HEXB: variants seen among roughly 807,000 people sequenced by gnomAD.
The protein encoded by HEXB is beta-hexosaminidase subunit beta.
Under a neutral mutation model 71.2 loss-of-function variants are expected in HEXB, and 51 were observed. That is an observed-to-expected ratio of 0.72 (90% CI 0.57 to 0.90). The LOEUF (loss-of-function observed/expected upper bound fraction) is 0.90. Ranked by LOEUF, HEXB falls within the 40% of genes least tolerant of loss-of-function variation. The probability of loss-of-function intolerance (pLI) is 0.00; values close to 1 mark genes in which losing one functional copy is unlikely to be tolerated. For synonymous variants in HEXB, 266 were observed against 249.3 expected (o/e 1.07, Z -0.63); for missense variants, 617 against 677.0 (o/e 0.91, Z 0.98).
chr5:74,719,079 C>A, intron 11 of HEXB, 108 bp downstream of exon 11: 1 of 1,003,322 alleles, frequency 1.0e-6, no homozygotes, highest in Non-Finnish European at 1.6e-6. Flanking sequence ...AACCTCCCAC[C>A]CCAGAAGTCT....
At chr5:74,666,616 C>G (rs1038031015) in intron 1 of HEXB, among the ~76,000 whole-genome samples, 1 of 152,214 alleles carries the variant, frequency 6.6e-6, no homozygotes, top group Non-Finnish European at 1.5e-5. Flanking sequence ...AGAGGCCCTG[C>G]CCACACTGCA....
intron 1 of HEXB, among the ~76,000 whole-genome samples, chr5:74,646,580 T>C (rs1748005186): frequency 6.6e-6 from 1 of 151,818 alleles, no homozygotes; most frequent in Non-Finnish European, 1.5e-5. Context: ...TTTTTTTTTT[T>C]TTTTTGAGAC....
At chr5:74,717,687 C>T (rs1161452480) in intron 9 of HEXB, among the ~76,000 whole-genome samples, 1 of 151,742 alleles carries the variant, frequency 6.6e-6, no homozygotes, top group Non-Finnish European at 1.5e-5. Context: ...AAATGCTTTA[C>T]AAATATAAAA....
At chr5:74,716,202 G>A (rs1749669937) in intron 8 of HEXB, among the ~76,000 whole-genome samples, 1 of 151,962 alleles carries the variant, frequency 6.6e-6, no homozygotes, top group Non-Finnish European at 1.5e-5. Flanking sequence ...GCAAAGTAAA[G>A]CTTGAGGAAA....
chr5:74,665,159 G>T (rs1364694213), intron 1 of HEXB, among the ~76,000 whole-genome samples: 1 of 152,092 alleles, frequency 6.6e-6, no homozygotes, highest in Admixed American at 6.5e-5. Context: ...AATCCATCCA[G>T]ACTCATAACT....
chr5:74,662,722 T>C (rs926206672), intron 1 of HEXB, among the ~76,000 whole-genome samples: 1 of 152,222 alleles, frequency 6.6e-6, no homozygotes, highest in Non-Finnish European at 1.5e-5. Flanking sequence ...GTAAAAATCA[T>C]ATTTTATTAT....
chr5:74,641,935 C>G lies in HEXB; in HGVS notation c.-377+1377C>G, dbSNP rs1747901779. 6.6e-6 allele frequency among the ~76,000 whole-genome samples: 1 copy of G among 152,162 alleles called. No individual in the cohort carries two copies. The highest frequency in any genetic ancestry group is 6.5e-5 in the Admixed American group (1 of 15,286). On this transcript the variant is annotated intron_variant, in intron 1 of 13. Coordinates refer to the HEXB transcript ENST00000511181. The surrounding 1 kb of genome is among the most constrained non-coding windows in gnomAD (Gnocchi z 4.1). ...TAGCAACAATGTCCCAGCTCTGCAG[C>G]TCGAGAGTGAGGGCCCCACGACAGA... is the stretch of plus-strand genomic sequence containing the variant.
Position 74,718,869 on chromosome 5 carries a change from T to G in HEXB, c.1315T>G (p.Ser439Ala). 6.2e-7 allele frequency: 1 copy of G among 1,614,110 alleles called. No individual in the cohort carries two copies. Among genetic ancestry groups the G allele is most frequent in the Non-Finnish European group, 8.5e-7 (1 of 1,179,974 alleles). Reference sequence around the variant, plus strand: ...TGAGGAACTCAGTAGAGTCACAGCATCTGGCTTCCCTGTAATCCTTTCTGC... The same window carrying G: ...TGAGGAACTCAGTAGAGTCACAGCAGCTGGCTTCCCTGTAATCCTTTCTGC... ...YPEELSRVTA[S>A]GFPVILSAPW... Residue 439 changes from serine to alanine, a missense_variant, in exon 11 of 14, where the codon TCT becomes GCT. Physicochemically the swap from Ser to Ala is moderately conservative, Grantham distance 99 (BLOSUM62 1). Coordinates refer to ENST00000261416, the MANE Select transcript of HEXB (RefSeq NM_000521.4).
intron 1 of HEXB, among the ~76,000 whole-genome samples, chr5:74,671,058 G>A (rs577125474): frequency 9.9e-5 from 15 of 152,210 alleles, no homozygotes; most frequent in South Asian, 2.1e-4. Flanking sequence ...CAAAGTGACC[G>A]AGAAAAGTCC....
At chr5:74,718,219 G>A in intron 9 of HEXB, 72 bp from the exon 10 acceptor site, 1 of 1,058,928 alleles carries the variant, frequency 9.4e-7, no homozygotes, top group East Asian at 2.5e-5. Flanking sequence ...ATCCTTGGTA[G>A]AAAATGTACA....
intron 1 of HEXB, among the ~76,000 whole-genome samples, chr5:74,661,288 C>T (rs181233304): frequency 2.0e-5 from 3 of 152,112 alleles, no homozygotes; most frequent in East Asian, 1.9e-4. Context: ...TGACTGAGAA[C>T]GAGAATGGGG....
intron 6 of HEXB, 113 bp from the exon 7 acceptor site, chr5:74,713,393 T>A (rs1749596556): frequency 1.0e-6 from 1 of 962,686 alleles, no homozygotes. Context: ...ACTAATACAT[T>A]GTCATAGTGA....
chr5:74,647,588 T>C (rs1156618651), intron 1 of HEXB, among the ~76,000 whole-genome samples: 2 of 152,216 alleles, frequency 1.3e-5, no homozygotes, highest in Non-Finnish European at 2.9e-5. Context: ...AAACACGACA[T>C]GAACAAGGAT....
intron 1 of HEXB, among the ~76,000 whole-genome samples, chr5:74,647,471 A>G (rs1301819813): frequency 6.6e-6 from 1 of 152,236 alleles, no homozygotes; most frequent in Non-Finnish European, 1.5e-5. Flanking sequence ...AGGAAGCTGC[A>G]AGTTAACATT....
At chr5:74,661,011 TGA>T (rs141154481) in intron 1 of HEXB, among the ~76,000 whole-genome samples, 76 of 147,808 alleles carry the variant, frequency 5.1e-4, no homozygotes, top group Non-Finnish European at 4.8e-4. Flanking sequence ...CATGGGTCAG[TGA>T]GAGAGAGAGA....
intron 5 of HEXB, among the ~76,000 whole-genome samples, chr5:74,701,655 G>T (rs1749263184): frequency 3.3e-5 from 5 of 151,708 alleles, no homozygotes; most frequent in Non-Finnish European, 5.9e-5. Flanking sequence ...TTAAACTTAG[G>T]GAAAAGTTGT....
In HEXB at chr5:74,713,565, T is replaced by C; in HGVS notation, c.831T>C (p.Tyr277=). The change falls in exon 7 of 14, where the codon TAT becomes TAC. Residue 277 remains tyrosine (Y), a synonymous_variant. Coordinates refer to ENST00000261416, the MANE Select transcript of HEXB (RefSeq NM_000521.4). ...TPNDVRMVIE[Y]ARLRGIRVLP... ...ATGATGTCCGTATGGTGATTGAATA[T>C]GCCAGATTACGAGGAATTCGAGTCC... 6.2e-7 allele frequency: 1 copy of C among 1,612,778 alleles called. No homozygotes were observed.
chr5:74,649,350 A>G (rs1035346538), intron 1 of HEXB, among the ~76,000 whole-genome samples: 10 of 152,204 alleles, frequency 6.6e-5, no homozygotes, highest in Admixed American at 6.5e-5. Flanking sequence ...ACAGGGACTC[A>G]TTTGTCCAAT....
In HEXB at chr5:74,671,416, CA is replaced by C. The variant is rs111798694; in HGVS notation, c.-376-17902del. 4.5e-3 allele frequency among the ~76,000 whole-genome samples: 630 copies of C among 138,488 alleles called. 1 individual carries two copies. The highest frequency in any genetic ancestry group is 8.3e-3 in the Admixed American group (115 of 13,864). The allele number at this position is 138,488 out of a possible 152,430, so 90.9% of individuals were successfully genotyped here. ...ATTATGCTGAGTAAAAGAAACCAGA[CA>C]AAAAAAAAAGCCATATGGTACATTT... On this transcript the variant is annotated intron_variant, in intron 1 of 13. Coordinates refer to the HEXB transcript ENST00000511181.
Sources: allele counts gnomAD v4.1 joint callset (sites outside exome capture counted in the v4.1 genomes callset), GRCh38; gene constraint gnomAD v4.1.1; non-coding constraint Gnocchi (gnomAD v3.1); transcripts MANE v1.5; gene names NCBI Gene and HGNC (gene_info 2026-07-23, HGNC 2026-07-21).